The following RANBP17 variants were observed in gnomAD, a reference collection of about 807,000 sequenced individuals.
RANBP17 encodes RAN binding protein 17.
RANBP17 carries 158 observed loss-of-function variants against 141.2 expected under a neutral mutation model. The observed-to-expected ratio is 1.12, with a 90% confidence interval of 0.98 to 1.28. The LOEUF is 1.28. Among genes scored for constraint, RANBP17 ranks in the 50% most tolerant of loss-of-function variants. The probability of loss-of-function intolerance (pLI) is 0.00; values close to 1 mark genes in which losing one functional copy is unlikely to be tolerated. For missense variants in RANBP17, 1,438 were observed against 1,290.7 expected (o/e 1.11, Z -1.75); for synonymous variants, 430 against 450.0 (o/e 0.96, Z 0.56).
intron 18 of RANBP17, among the ~76,000 whole-genome samples, chr5:171,188,479 G>A (rs1761415908): frequency 1.3e-5 from 2 of 152,214 alleles, no homozygotes; most frequent in East Asian, 1.9e-4. Flanking sequence ...GCCTCAAGGA[G>A]CTTGTCTTCT....
intron 22 of RANBP17, among the ~76,000 whole-genome samples, chr5:171,238,948 T>C (rs1764704790): frequency 6.6e-6 from 1 of 152,172 alleles, no homozygotes; most frequent in East Asian, 1.9e-4. Flanking sequence ...TCACATTGTA[T>C]GGAATTATTT....
In RANBP17 at chr5:171,088,705, C is replaced by T. The variant is rs187536287; in HGVS notation, c.1711-81425C>T. On this transcript the variant is annotated intron_variant, in intron 14 of 27. Coordinates refer to ENST00000523189, the MANE Select transcript of RANBP17 (RefSeq NM_022897.5). The stretch of plus-strand genomic sequence containing the variant: ...CTAAACTTCCCTTCTCGCTTGATTT[C>T]GTTCATTTCATCTTCCATCACTGAT... Among the ~76,000 whole-genome samples, 290 of 152,176 alleles carry T rather than the reference C, an allele frequency of 1.9e-3. 1 individual carries two copies. The highest frequency in any genetic ancestry group is 6.6e-3 in the African/African-American group (275 of 41,522).
intron 19 of RANBP17, among the ~76,000 whole-genome samples, chr5:171,200,447 G>A (rs756839210): frequency 2.0e-5 from 3 of 152,070 alleles, no homozygotes; most frequent in Admixed American, 1.3e-4. Flanking sequence ...AAACAGCCCC[G>A]TATTTTAAGG....
At chr5:171,211,201 T>A (rs1322620687) in intron 20 of RANBP17, among the ~76,000 whole-genome samples, 1 of 152,126 alleles carries the variant, frequency 6.6e-6, no homozygotes, top group African/African-American at 2.4e-5. Context: ...TTCATCCAAC[T>A]GAAACCTTAT....
rs761988106 is a variant in RANBP17 at position 170,909,703 on chromosome 5, A to T, written c.532A>T (p.Thr178Ser). Residue 178 changes from threonine to serine, a missense_variant, in exon 6 of 28, where the codon ACC becomes TCC. Coordinates refer to ENST00000523189, the MANE Select transcript of RANBP17 (RefSeq NM_022897.5). ...TTCAGCAAAACACAGGAAAATAGCT[A>T]CCTCATTTCGTGATACTTCTCTCAA... ...RPSAKHRKIA[T>S]SFRDTSLKDV... 3.1e-6 allele frequency: 5 copies of T among 1,597,728 alleles called. No individual in the cohort carries two copies. Among genetic ancestry groups the T allele is most frequent in the Non-Finnish European group, 4.3e-6 (5 of 1,168,520 alleles).
chr5:170,879,475 T>C (rs1295735289), intron 2 of RANBP17, among the ~76,000 whole-genome samples: 1 of 152,160 alleles, frequency 6.6e-6, no homozygotes, highest in East Asian at 1.9e-4. Flanking sequence ...ACTACTTGTT[T>C]TAACTTTTGA....
At position 171,213,671 on chromosome 5, in the gene RANBP17, C is replaced by T. The variant is rs766233427; in HGVS notation, c.2272C>T (p.Arg758Trp). The change falls in exon 21 of 28, where the codon CGG becomes TGG. Residue 758 changes from arginine (R) to tryptophan (W), a missense_variant. Transcript: ENST00000523189. ...TCCCCTTCTTCAGAATGCTGTTGAA[C>T]GGTGGTATGGAGAGCCAACATGTAC... ...YLPLLQNAVE[R>W]WYGEPTCTTP... 40 of 1,613,590 alleles carry T rather than the reference C, an allele frequency of 2.5e-5. No individual in the cohort carries two copies. The highest frequency in any genetic ancestry group is 2.4e-4 in the South Asian group (22 of 91,058).
In RANBP17 at chr5:170,909,578, C is replaced by CTTTT. The variant is rs386405668; in HGVS notation, c.490-66_490-63dup. 1,993 of 240,420 alleles carry CTTTT rather than the reference C, an allele frequency of 8.3e-3. 54 individuals carry two copies. Among genetic ancestry groups the CTTTT allele is most frequent in the African/African-American group, 0.058 (1,743 of 29,932 alleles). 14.9% of individuals were successfully genotyped at this position (240,420 alleles called of 1,614,324 possible). ...CTTGGGTTCTACTCAAGTTTATTTC[C>CTTTT]TTTTTTTTTTTTTTTTTTTTAGTAA... is the stretch of plus-strand genomic sequence containing the variant. On this transcript the variant is annotated intron_variant, in intron 5 of 27. Coordinates refer to ENST00000523189, the MANE Select transcript of RANBP17 (RefSeq NM_022897.5).
chr5:171,087,348 T>A (rs1386822660), intron 14 of RANBP17, among the ~76,000 whole-genome samples: 3,008 of 152,098 alleles, frequency 0.02, 90 homozygotes, highest in African/African-American at 0.067. Context: ...ATAATTTCTG[T>A]TCTTTTACAT....
At chr5:171,271,602 AT>A in intron 25 of RANBP17, 5 of 209,696 alleles carry the variant, frequency 2.4e-5, no homozygotes, top group East Asian at 2.2e-4. Flanking sequence ...TAAATAAAAA[AT>A]ATGCTCTTTA....
chr5:171,076,097 G>A (rs1442004435), intron 14 of RANBP17, among the ~76,000 whole-genome samples: 1 of 152,210 alleles, frequency 6.6e-6, no homozygotes, highest in Non-Finnish European at 1.5e-5. Context: ...AGCACTGCTT[G>A]TAATGACAAA....
At chr5:171,225,631 G>A (rs921397241) in intron 22 of RANBP17, among the ~76,000 whole-genome samples, 1 of 152,172 alleles carries the variant, frequency 6.6e-6, no homozygotes, top group Non-Finnish European at 1.5e-5. Context: ...GGAGGAAAGA[G>A]GCCAGAACAT....
At chr5:171,187,880 T>C (rs1761379363) in intron 18 of RANBP17, among the ~76,000 whole-genome samples, 2 of 152,190 alleles carry the variant, frequency 1.3e-5, no homozygotes, top group Non-Finnish European at 2.9e-5. Flanking sequence ...ATACCAATAA[T>C]ACTTTTTTCT....
chr5:171,183,431 G>A lies in RANBP17; in HGVS notation c.2038+1G>A. Reference sequence around the variant, plus strand: ...ACTCGCCTTCTGATGGTAGATCTGGGTAAGGTTAAGAATTTAAACTCAATT... The same window carrying A: ...ACTCGCCTTCTGATGGTAGATCTGGATAAGGTTAAGAATTTAAACTCAATT... On this transcript the variant is annotated splice_donor_variant, in intron 18 of 27. Coordinates refer to ENST00000523189, the MANE Select transcript of RANBP17 (RefSeq NM_022897.5). LOFTEE classifies it high-confidence loss of function. The A allele has an allele frequency of 6.2e-7, 1 of 1,603,898 alleles. No individual in the cohort carries two copies. Among genetic ancestry groups the A allele is most frequent in the Non-Finnish European group, 8.5e-7 (1 of 1,170,804 alleles).
At chr5:171,248,295 A>C (rs1765344530) in intron 24 of RANBP17, among the ~76,000 whole-genome samples, 1 of 148,606 alleles carries the variant, frequency 6.7e-6, no homozygotes, top group Non-Finnish European at 1.5e-5. Context: ...TGAACCCGGG[A>C]GGTGGAGCTT....
chr5:170,930,595 G>A (rs1773287624), intron 12 of RANBP17, among the ~76,000 whole-genome samples: 1 of 151,918 alleles, frequency 6.6e-6, no homozygotes. Flanking sequence ...GATGTGTGAT[G>A]TTCCCCGCCC....
chr5:171,269,723 A>G (rs1337294057), intron 25 of RANBP17, among the ~76,000 whole-genome samples: 1 of 152,202 alleles, frequency 6.6e-6, no homozygotes, highest in East Asian at 1.9e-4. Flanking sequence ...GCTGTTTTTA[A>G]TAGATGATTT....
intron 20 of RANBP17, among the ~76,000 whole-genome samples, chr5:171,208,631 A>T (rs577150714): frequency 6.6e-5 from 10 of 152,208 alleles, no homozygotes; most frequent in Non-Finnish European, 1.0e-4. Context: ...CAGTGCTGTT[A>T]TACAGTGGCA....
intron 14 of RANBP17, among the ~76,000 whole-genome samples, chr5:171,105,060 T>C (rs983542882): frequency 2.0e-5 from 3 of 152,272 alleles, no homozygotes; most frequent in African/African-American, 7.2e-5. Flanking sequence ...TTAAAACTTT[T>C]GGAGAGGATA....
Sources: gnomAD v4.1 joint callset for allele counts (sites outside exome capture counted in the v4.1 genomes callset) on GRCh38, gnomAD v4.1.1 for gene constraint, MANE v1.5 for transcripts, NCBI Gene and HGNC (gene_info 2026-07-23, HGNC 2026-07-21) for gene names.